The following EPHA3 variants were observed in gnomAD, a reference collection of about 807,000 sequenced individuals.
EPHA3 encodes ephrin type-A receptor 3.
A neutral mutation model predicts 107.1 loss-of-function variants in EPHA3; 42 were observed. The observed-to-expected ratio is 0.39, with a 90% CI of 0.31 to 0.51. The LOEUF (loss-of-function observed/expected upper bound fraction) is 0.51. Ranked by LOEUF, EPHA3 falls within the 20% of genes least tolerant of loss-of-function variation. The pLI, the probability that EPHA3 is intolerant of heterozygous loss-of-function variation, is 0.78. For synonymous variants in EPHA3, 461 were observed against 424.8 expected (o/e 1.09, Z -1.05); for missense variants, 1,183 against 1,211.2 (o/e 0.98, Z 0.35).
rs547909063 is a variant in EPHA3 at position 89,375,954 on chromosome 3, C to T, written c.1307-19883C>T. On this transcript the variant is annotated intron_variant, in intron 5 of 16. Transcript: ENST00000336596. ...TGTTTCAGATCTCCATAAAGGCAGG[C>T]GACACATCTGCCTTTTTACACTACT... 1.1e-4 allele frequency among the ~76,000 whole-genome samples: 17 copies of T among 151,966 alleles called. No individual in the cohort carries two copies. The South Asian group carries it at 1.7e-3, about 15-fold the overall frequency.
chr3:89,206,175 C>A (rs1706098708), intron 2 of EPHA3, among the ~76,000 whole-genome samples: 1 of 152,140 alleles, frequency 6.6e-6, no homozygotes, highest in Non-Finnish European at 1.5e-5. Flanking sequence ...CTCCTTGCAA[C>A]CTTTTATGTG....
intron 1 of EPHA3, among the ~76,000 whole-genome samples, chr3:89,124,207 C>T (rs1042471191): frequency 2.6e-5 from 4 of 152,112 alleles, no homozygotes; most frequent in African/African-American, 9.7e-5. Context: ...AGAGAGGGGA[C>T]AGCATTATAG....
At chr3:89,473,438 A>T (rs1710445622) in intron 16 of EPHA3, among the ~76,000 whole-genome samples, 1 of 152,214 alleles carries the variant, frequency 6.6e-6, no homozygotes, top group Non-Finnish European at 1.5e-5. Flanking sequence ...GTTCTTATTC[A>T]CAAAGTAGAG....
intron 3 of EPHA3, among the ~76,000 whole-genome samples, chr3:89,311,947 T>C (rs1706774706): frequency 6.6e-6 from 1 of 151,942 alleles, no homozygotes; most frequent in Non-Finnish European, 1.5e-5. Context: ...ATGACACAAG[T>C]AGGTATGATT....
intron 13 of EPHA3, among the ~76,000 whole-genome samples, chr3:89,447,054 C>A (rs1406462004): frequency 1.3e-5 from 2 of 152,128 alleles, no homozygotes; most frequent in Admixed American, 1.3e-4. Flanking sequence ...CTGTTCAATG[C>A]CACATGTCTA....
At chr3:89,257,349 G>A (rs1458761666) in intron 3 of EPHA3, among the ~76,000 whole-genome samples, 1 of 152,170 alleles carries the variant, frequency 6.6e-6, no homozygotes, top group Non-Finnish European at 1.5e-5. Context: ...TAGGTCTGGT[G>A]AAGATTGCAA....
intron 5 of EPHA3, among the ~76,000 whole-genome samples, chr3:89,380,051 A>G (rs1293738064): frequency 2.0e-5 from 3 of 152,336 alleles, no homozygotes; most frequent in East Asian, 1.9e-4. Context: ...CCAGGCATAT[A>G]TAGGCCATAT....
intron 16 of EPHA3, among the ~76,000 whole-genome samples, chr3:89,474,964 T>C (rs1162911190): frequency 6.6e-6 from 1 of 152,186 alleles, no homozygotes; most frequent in Non-Finnish European, 1.5e-5. Context: ...AGTCAGGTGG[T>C]ATGGATATGT....
intron 10 of EPHA3, among the ~76,000 whole-genome samples, chr3:89,415,036 G>A (rs1045473697): frequency 8.6e-5 from 13 of 151,440 alleles, no homozygotes; most frequent in African/African-American, 2.9e-4. Context: ...TACCTTCAAG[G>A]TTAGTTATAC....
At chr3:89,399,119 A>G (rs374602291) in intron 6 of EPHA3, among the ~76,000 whole-genome samples, 199 bp from the exon 7 acceptor site, 1 of 150,988 alleles carries the variant, frequency 6.6e-6, no homozygotes, top group Non-Finnish European at 1.5e-5. Context: ...ACAAAGCAAG[A>G]CTTTGTCTAA....
At chr3:89,473,751 ATCT>A (rs1166286944) in intron 16 of EPHA3, among the ~76,000 whole-genome samples, 7 of 152,194 alleles carry the variant, frequency 4.6e-5, no homozygotes, top group Admixed American at 6.5e-5. Context: ...GTTTACTAGT[ATCT>A]AGTCATTTAT....
intron 3 of EPHA3, among the ~76,000 whole-genome samples, chr3:89,287,705 A>C (rs1194707096): frequency 6.6e-6 from 1 of 152,124 alleles, no homozygotes; most frequent in African/African-American, 2.4e-5. Flanking sequence ...TTTAGAAGAA[A>C]ATTTTAACAA....
chr3:89,231,981 C>T (rs1326290541), intron 3 of EPHA3, among the ~76,000 whole-genome samples: 1 of 152,048 alleles, frequency 6.6e-6, no homozygotes, highest in Non-Finnish European at 1.5e-5. Flanking sequence ...TCCTTCTTTC[C>T]TCCAAGTGCA....
chr3:89,265,223 T>A (rs767855390), intron 3 of EPHA3, among the ~76,000 whole-genome samples: 2 of 152,144 alleles, frequency 1.3e-5, no homozygotes, highest in Non-Finnish European at 2.9e-5. Flanking sequence ...CAAATCTTCT[T>A]TCCAAAGCTA....
rs112256836 is a variant in EPHA3, at chr3:89,170,531, T to C, written c.154-39329T>C. On this transcript the variant is annotated intron_variant, in intron 2 of 16. Coordinates refer to ENST00000336596, the MANE Select transcript of EPHA3 (RefSeq NM_005233.6). ...GAATGCACACAACTTGGCTATAAAG[T>C]GTAGCCAAGGAGTTGATGACATACG... Among the ~76,000 whole-genome samples, 1,294 of 152,216 alleles carry C rather than the reference T, an allele frequency of 8.5e-3. 19 individuals are homozygous for C. The highest frequency in any genetic ancestry group is 0.026 in the African/African-American group (1,086 of 41,526).
At chr3:89,447,756 G>A (rs796468243) in intron 13 of EPHA3, among the ~76,000 whole-genome samples, 9 of 152,138 alleles carry the variant, frequency 5.9e-5, no homozygotes, top group African/African-American at 9.6e-5. Context: ...GAAATTTGTC[G>A]TTTAGTCCCA....
Position 89,178,311 on chromosome 3 carries a change from T to C in EPHA3, c.154-31549T>C, listed in dbSNP as rs111393644. Among the ~76,000 whole-genome samples, 930 of 152,228 alleles carry C rather than the reference T, an allele frequency of 6.1e-3. 10 individuals are homozygous for C. The highest frequency in any genetic ancestry group is 0.021 in the African/African-American group (887 of 41,560). On this transcript the variant is annotated intron_variant, in intron 2 of 16. Coordinates refer to ENST00000336596, the MANE Select transcript of EPHA3 (RefSeq NM_005233.6). Reference sequence around the variant, plus strand: ...ATGTTATTACATCTTCTAAATATAATTTTGATTTCCATGTTGATATTCCTT... The same window carrying C: ...ATGTTATTACATCTTCTAAATATAACTTTGATTTCCATGTTGATATTCCTT...
intron 3 of EPHA3, among the ~76,000 whole-genome samples, chr3:89,244,625 T>C (rs1704989433): frequency 6.6e-6 from 1 of 152,164 alleles, no homozygotes; most frequent in African/African-American, 2.4e-5. Flanking sequence ...AGAAAAGAAG[T>C]ATTATAGAAA....
intron 3 of EPHA3, among the ~76,000 whole-genome samples, chr3:89,333,192 C>A (rs545841932): frequency 6.6e-6 from 1 of 152,210 alleles, no homozygotes; most frequent in East Asian, 1.9e-4. Context: ...CATAATACTC[C>A]CTGTTTCATA....
Sources: gnomAD v4.1 joint callset for allele counts (sites outside exome capture counted in the v4.1 genomes callset) on GRCh38, gnomAD v4.1.1 for gene constraint, MANE v1.5 for transcripts, NCBI Gene and HGNC (gene_info 2026-07-23, HGNC 2026-07-21) for gene names.